The following SGIP1 variants were observed in gnomAD, a reference collection of about 807,000 sequenced individuals.
SGIP1 encodes SH3-containing GRB2-like protein 3-interacting protein 1.
Under a neutral mutation model 107.5 loss-of-function variants are expected in SGIP1, and 38 were observed. The observed-to-expected ratio is 0.35, with a 90% CI of 0.27 to 0.46. The LOEUF (loss-of-function observed/expected upper bound fraction) is 0.46. Among genes scored for constraint, SGIP1 ranks in the 20% least tolerant of loss-of-function variants. The pLI, the probability that SGIP1 is intolerant of heterozygous loss-of-function variation, is 1.00. For missense variants in SGIP1, 929 were observed against 1,019.5 expected (o/e 0.91, Z 1.21); for synonymous variants, 365 against 366.1 (o/e 1.00, Z 0.03).
At chr1:66,640,528 A>G (rs116833703) in intron 5 of SGIP1, among the ~76,000 whole-genome samples, 78 of 152,262 alleles carry the variant, frequency 5.1e-4, no homozygotes, top group African/African-American at 1.8e-3. Context: ...GGCAGGGGGA[A>G]CAGAGTTGAT....
Position 66,695,451 on chromosome 1 carries a change from C to T in SGIP1, c.1588C>T (p.Leu530Phe). 1 of 1,614,016 alleles carries T rather than the reference C, an allele frequency of 6.2e-7. No individual in the cohort carries two copies. Among genetic ancestry groups the T allele is most frequent in the Non-Finnish European group, 8.5e-7 (1 of 1,179,994 alleles). The change falls in exon 18 of 25, where the codon CTC becomes TTC. Residue 530 changes from leucine (L) to phenylalanine (F), a missense_variant. Physicochemically the swap from Leu to Phe is conservative, Grantham distance 22. This residue lies in a region of SGIP1 where 341 missense variants were observed against 430.9 expected (regional missense o/e 0.79). Coordinates refer to ENST00000371037, the MANE Select transcript of SGIP1 (RefSeq NM_032291.4). ...TPTVENEQPS[L>F]VWFDRGKFYL... ...CCATACAGAGAATGAACAGCCTTCCCTCGTTTGGTTTGACAGAGGAAAGTT... is the reference window on the plus strand; with the variant it reads ...CCATACAGAGAATGAACAGCCTTCCTTCGTTTGGTTTGACAGAGGAAAGTT...
Position 66,745,186 on chromosome 1 carries a change from A to G in SGIP1, c.*2091A>G, listed in dbSNP as rs534744170. ...CACAAGGGTTTTTTTCCCAAAAAAT[A>G]ATTTTACTGATTTTTAAAAATTTAA... On this transcript the variant is annotated 3_prime_UTR_variant, in exon 25 of 25. Transcript: ENST00000371037. 15 of 152,122 alleles carry G rather than the reference A, an allele frequency of 9.9e-5. No individual in the cohort carries two copies. The highest frequency in any genetic ancestry group is 2.1e-4 in the South Asian group (1 of 4,830). 9.4% of individuals were successfully genotyped at this position (152,122 alleles called of 1,614,324 possible). A position where few individuals can be genotyped will look rare whatever the true frequency, so the allele number is the denominator to read the frequency against.
chr1:66,553,542 G>C (rs1277483447), intron 1 of SGIP1, among the ~76,000 whole-genome samples: 3 of 151,846 alleles, frequency 2.0e-5, no homozygotes, highest in African/African-American at 7.3e-5. Flanking sequence ...TGGGTGTGGT[G>C]GTGGGCACCT....
intron 18 of SGIP1, among the ~76,000 whole-genome samples, chr1:66,700,370 C>CAA (rs34109375): frequency 0.061 from 5,035 of 82,714 alleles, 243 homozygotes; most frequent in Admixed American, 0.1. Context: ...GACTCCATCT[C>CAA]AAAAAAAAAA....
At chr1:66,727,686 A>G (rs960006327) in intron 19 of SGIP1, among the ~76,000 whole-genome samples, 2 of 152,248 alleles carry the variant, frequency 1.3e-5, no homozygotes, top group African/African-American at 4.8e-5. Flanking sequence ...CATACACTAC[A>G]CAGCCACAAA....
At position 66,740,582 on chromosome 1, in the gene SGIP1, T is replaced by A. The variant is rs1483919207; in HGVS notation, c.2235-76T>A. On this transcript the variant is annotated intron_variant, in intron 22 of 24. Coordinates refer to ENST00000371037, the MANE Select transcript of SGIP1 (RefSeq NM_032291.4). ...GCTCTATTTTAAAAAATTAATACTA[T>A]CTGGAAAAAAAACATGGCATCCAGT... 1.2e-5 allele frequency: 11 copies of A among 887,558 alleles called. No individual in the cohort carries two copies. In the East Asian group the frequency reaches 2.8e-4, roughly 22 times the overall value. 55.0% of individuals were successfully genotyped at this position (887,558 alleles called of 1,614,324 possible).
At chr1:66,608,765 G>A (rs2067335251) in intron 1 of SGIP1, among the ~76,000 whole-genome samples, 1 of 152,210 alleles carries the variant, frequency 6.6e-6, no homozygotes, top group Non-Finnish European at 1.5e-5. Context: ...AAAACGGGAG[G>A]AGGCACTGAG....
intron 7 of SGIP1, among the ~76,000 whole-genome samples, chr1:66,653,798 C>T (rs1317172576): frequency 1.3e-5 from 2 of 152,086 alleles, no homozygotes; most frequent in Non-Finnish European, 2.9e-5. Flanking sequence ...AACTTTTATA[C>T]CTTTAAGGTC....
intron 1 of SGIP1, among the ~76,000 whole-genome samples, chr1:66,544,324 A>G (rs1252756453): frequency 6.6e-6 from 1 of 152,218 alleles, no homozygotes; most frequent in Non-Finnish European, 1.5e-5. Flanking sequence ...TGGAATTGGC[A>G]CATGAGATGA....
At chr1:66,626,100 A>C in intron 2 of SGIP1, 190 bp downstream of exon 2, 1 of 340,842 alleles carries the variant, frequency 2.9e-6, no homozygotes, top group Non-Finnish European at 5.2e-6. Flanking sequence ...AAAATTTTTC[A>C]TCATGTGTTC....
At chr1:66,742,156 G>T (rs2094467254) in intron 24 of SGIP1, among the ~76,000 whole-genome samples, 1 of 152,258 alleles carries the variant, frequency 6.6e-6, no homozygotes, top group African/African-American at 2.4e-5. Context: ...GCTGAGATCT[G>T]GGAGAATCTA....
At chr1:66,617,977 T>C (rs2069834870) in intron 1 of SGIP1, among the ~76,000 whole-genome samples, 1 of 152,206 alleles carries the variant, frequency 6.6e-6, no homozygotes, top group Non-Finnish European at 1.5e-5. Context: ...ATCTGCTATT[T>C]ATCACCTGTG....
intron 1 of SGIP1, among the ~76,000 whole-genome samples, chr1:66,542,501 C>T (rs187973038): frequency 2.1e-4 from 32 of 152,050 alleles, no homozygotes; most frequent in Non-Finnish European, 1.6e-4. Flanking sequence ...ACAGGCACTG[C>T]GATATGCAAC....
chr1:66,554,267 C>A (rs899686635), intron 1 of SGIP1, among the ~76,000 whole-genome samples: 18 of 152,122 alleles, frequency 1.2e-4, no homozygotes, highest in African/African-American at 4.3e-4. Flanking sequence ...ACACAACAAC[C>A]ATTGAGCTCT....
chr1:66,554,037 A>G (rs1331759109), intron 1 of SGIP1, among the ~76,000 whole-genome samples: 1 of 152,156 alleles, frequency 6.6e-6, no homozygotes, highest in Non-Finnish European at 1.5e-5. Flanking sequence ...CTCTCACTGA[A>G]TCACATTACA....
rs1190543525 is a variant in SGIP1 at position 66,750,195 on chromosome 1, G to A, written c.*7100G>A. 2.6e-5 allele frequency among the ~76,000 whole-genome samples: 4 copies of A among 152,120 alleles called. No homozygotes were observed. The highest frequency in any genetic ancestry group is 5.9e-5 in the Non-Finnish European group (4 of 68,000). ...ACAGAGCTTCACCACAGGCCAAGCA[G>A]TAATGTATACAGCTGGCTTTTTAAG... On this transcript the variant is annotated 3_prime_UTR_variant, in exon 25 of 25. Coordinates refer to ENST00000371037, the MANE Select transcript of SGIP1 (RefSeq NM_032291.4).
chr1:66,717,737 T>C (rs929283528), intron 18 of SGIP1, among the ~76,000 whole-genome samples: 1 of 152,146 alleles, frequency 6.6e-6, no homozygotes, highest in Non-Finnish European at 1.5e-5. Flanking sequence ...CTGAACAAGT[T>C]GTATAAAGTC....
At chr1:66,637,805 ATGTGTG>A (rs1237685105) in intron 4 of SGIP1, among the ~76,000 whole-genome samples, 1 of 150,146 alleles carries the variant, frequency 6.7e-6, no homozygotes, top group East Asian at 2.0e-4. Context: ...GTGTGTATGT[ATGTGTG>A]TATGTATATA....
At position 66,658,705 on chromosome 1, in the gene SGIP1, A is replaced by G. The variant is rs144408921; in HGVS notation, c.460-1808A>G. Among the ~76,000 whole-genome samples the G allele has an allele frequency of 1.9e-3, 297 of 152,358 alleles. 1 individual carries two copies. Among genetic ancestry groups the G allele is most frequent in the South Asian group, 0.01 (50 of 4,834 alleles). On this transcript the variant is annotated intron_variant, in intron 7 of 24. Transcript: ENST00000371037. ...TGGAGATATCTAAATAATACAGAAC[A>G]AAATAAAAATTGCAGAAATGTACTA...
Sources: gnomAD v4.1 joint callset for allele counts (sites outside exome capture counted in the v4.1 genomes callset) on GRCh38, gnomAD v4.1.1 for gene constraint, gnomAD v4.1.1 regional missense constraint, MANE v1.5 for transcripts, NCBI Gene and HGNC (gene_info 2026-07-23, HGNC 2026-07-21) for gene names.